The following JAZF1 variants were observed in gnomAD, a reference collection of about 807,000 sequenced individuals.
JAZF1 encodes the protein JAZF zinc finger 1.
A neutral mutation model predicts 26.4 loss-of-function variants in JAZF1; 8 were observed. The observed-to-expected ratio is 0.30, with a 90% CI of 0.18 to 0.55. The LOEUF (loss-of-function observed/expected upper bound fraction) is 0.55. JAZF1 is among the 20% of genes least tolerant of loss of function. The pLI is 0.94. For missense variants in JAZF1, 199 were observed against 322.0 expected, an observed-to-expected ratio of 0.62 and a Z score of 2.92; for synonymous variants, 126 against 122.3, an observed-to-expected ratio of 1.03 and a Z score of -0.20.
chr7:27,976,262 C>T (rs12537454), intron 2 of JAZF1, among the ~76,000 whole-genome samples: 34,859 of 147,366 alleles, frequency 0.24, 4,415 homozygotes, highest in East Asian at 0.49. Context: ...AGGAGAATGG[C>T]GCGAACCCGG....
intron 3 of JAZF1, among the ~76,000 whole-genome samples, chr7:27,878,733 C>T (rs1783721790): frequency 6.6e-6 from 1 of 152,160 alleles, no homozygotes. Context: ...ACCTGCCATT[C>T]TCCCAAGAAT....
At chr7:27,941,439 C>A (rs1178250038) in intron 2 of JAZF1, among the ~76,000 whole-genome samples, 1 of 152,146 alleles carries the variant, frequency 6.6e-6, no homozygotes, top group East Asian at 1.9e-4. Flanking sequence ...TATTGTGTGA[C>A]CCTGACAGCT....
intron 2 of JAZF1, among the ~76,000 whole-genome samples, chr7:27,971,616 T>C (rs927053790): frequency 1.3e-5 from 2 of 152,134 alleles, no homozygotes; most frequent in Middle Eastern, 3.2e-3. Flanking sequence ...ACTAGAGCTA[T>C]AGAGGGAAGA....
chr7:28,038,473 TTTG>T (rs1783333151), intron 1 of JAZF1, among the ~76,000 whole-genome samples: 1 of 152,196 alleles, frequency 6.6e-6, no homozygotes, highest in Admixed American at 6.6e-5. Flanking sequence ...TACTACGGAA[TTTG>T]TTGTTTTCTT....
At chr7:28,124,311 C>T (rs189985130) in intron 1 of JAZF1, among the ~76,000 whole-genome samples, 175 of 152,324 alleles carry the variant, frequency 1.1e-3, no homozygotes, top group African/African-American at 4.1e-3. Flanking sequence ...CTGTCAGCAC[C>T]TTGCTCCTGG....
chr7:28,133,084 T>C (rs1782822634), intron 1 of JAZF1, among the ~76,000 whole-genome samples: 1 of 152,184 alleles, frequency 6.6e-6, no homozygotes. Context: ...CCTCCAAACC[T>C]CTGACATGGA....
In JAZF1 at chr7:27,840,936, C is replaced by T. The variant is rs1782911147; in HGVS notation, c.386-69G>A. 3 of 1,543,368 alleles carry T rather than the reference C, an allele frequency of 1.9e-6. No individual in the cohort carries two copies. In the South Asian group the frequency reaches 3.5e-5, roughly 18 times the overall value. ...TCCCCACAGGTTCACCCGGCCACTT[C>T]CAGGACAGGAGATGTGGCCGTGGCA... is the stretch of plus-strand genomic sequence containing the variant. On this transcript the variant is annotated intron_variant, in intron 3 of 4. Transcript: ENST00000283928. The surrounding 1 kb of genome is among the most constrained non-coding windows in gnomAD (Gnocchi z 5.1).
At chr7:28,074,265 T>C (rs1406602945) in intron 1 of JAZF1, among the ~76,000 whole-genome samples, 2 of 152,238 alleles carry the variant, frequency 1.3e-5, no homozygotes, top group African/African-American at 4.8e-5. Context: ...AGAGGCTAAC[T>C]TGTGGCTAAA....
At chr7:28,059,082 A>G (rs1251559467) in intron 1 of JAZF1, among the ~76,000 whole-genome samples, 1 of 152,220 alleles carries the variant, frequency 6.6e-6, no homozygotes, top group East Asian at 1.9e-4. Context: ...TAGTAGTAAC[A>G]TAATAAGTAC....
chr7:27,965,102 C>A (rs909733935), intron 2 of JAZF1, among the ~76,000 whole-genome samples: 1 of 152,160 alleles, frequency 6.6e-6, no homozygotes, highest in South Asian at 2.1e-4. Flanking sequence ...ATATATCAGA[C>A]ACAAAGGTTA....
chr7:27,861,734 C>T (rs1783385073), intron 3 of JAZF1, among the ~76,000 whole-genome samples: 2 of 152,144 alleles, frequency 1.3e-5, no homozygotes, highest in East Asian at 1.9e-4. Flanking sequence ...TCTGTCTGCT[C>T]ATATTTAAAA....
intron 2 of JAZF1, among the ~76,000 whole-genome samples, chr7:27,963,790 A>G (rs1053667612): frequency 6.6e-6 from 1 of 151,488 alleles, no homozygotes. Context: ...CTGATTTCAA[A>G]CTCCTGGGAT....
chr7:27,857,094 G>A (rs6970182), intron 3 of JAZF1, among the ~76,000 whole-genome samples: 2,482 of 152,346 alleles, frequency 0.016, 73 homozygotes, highest in African/African-American at 0.057. Context: ...ACTGGGCGCC[G>A]TGGAGCAGGG....
chr7:28,073,742 T>C (rs947063653), intron 1 of JAZF1, among the ~76,000 whole-genome samples: 1 of 152,118 alleles, frequency 6.6e-6, no homozygotes, highest in East Asian at 1.9e-4. Context: ...GTTGTGGCCA[T>C]TTTCAAAGAA....
At chr7:28,023,728 G>A (rs1783044553) in intron 1 of JAZF1, among the ~76,000 whole-genome samples, 1 of 152,218 alleles carries the variant, frequency 6.6e-6, no homozygotes, top group South Asian at 2.1e-4. Flanking sequence ...CATACGGACA[G>A]GTTCCTGCCC....
chr7:27,972,235 T>A (rs1785385882), intron 2 of JAZF1, among the ~76,000 whole-genome samples: 1 of 152,200 alleles, frequency 6.6e-6, no homozygotes, highest in Admixed American at 6.5e-5. Context: ...AACAGGATAC[T>A]GTTTAAAGGA....
intron 1 of JAZF1, among the ~76,000 whole-genome samples, chr7:28,107,096 C>A (rs1329769314): frequency 6.6e-6 from 1 of 152,234 alleles, no homozygotes; most frequent in Non-Finnish European, 1.5e-5. Flanking sequence ...ACTCAAGCTG[C>A]CAACATCGAA....
intron 3 of JAZF1, among the ~76,000 whole-genome samples, chr7:27,850,132 T>C (rs888127428): frequency 1.3e-5 from 2 of 152,232 alleles, no homozygotes; most frequent in African/African-American, 4.8e-5. Context: ...ATTAAAACTT[T>C]CCTGGGGTAT....
chr7:28,144,135 T>C (rs1782994353), intron 1 of JAZF1, among the ~76,000 whole-genome samples: 1 of 152,206 alleles, frequency 6.6e-6, no homozygotes, highest in Non-Finnish European at 1.5e-5. Flanking sequence ...CTAAGCCACA[T>C]TCTCTCCATT....
Sources: allele counts gnomAD v4.1 joint callset (sites outside exome capture counted in the v4.1 genomes callset), GRCh38; gene constraint gnomAD v4.1.1; non-coding constraint Gnocchi (gnomAD v3.1); transcripts MANE v1.5; gene names NCBI Gene and HGNC (gene_info 2026-07-23, HGNC 2026-07-21).